The following DAB1 variants were observed in gnomAD, a reference collection of about 807,000 sequenced individuals.
DAB1 encodes the protein disabled homolog 1.
DAB1 carries 15 observed loss-of-function variants against 64.6 expected under a neutral mutation model. The ratio of observed to expected loss-of-function variants is 0.23; its 90% CI spans 0.16 to 0.36. The LOEUF (loss-of-function observed/expected upper bound fraction) is 0.36. Among genes scored for constraint, DAB1 ranks in the 10% least tolerant of loss-of-function variants. The pLI, the probability that DAB1 is intolerant of heterozygous loss-of-function variation, is 1.00. For missense variants in DAB1, 596 were observed against 706.7 expected, an observed-to-expected ratio of 0.84 and a Z score of 1.78; for synonymous variants, 235 against 251.9, an observed-to-expected ratio of 0.93 and a Z score of 0.64.
rs140354903 is a variant in DAB1, at chr1:57,111,026, T to C, written c.306+25517A>G. 2.0e-4 allele frequency among the ~76,000 whole-genome samples: 31 copies of C among 152,080 alleles called. No individual in the cohort carries two copies. The East Asian group carries it at 5.8e-3, about 29-fold the overall frequency. On this transcript the variant is annotated intron_variant, in intron 4 of 14. Transcript: ENST00000371236. ...AGTACAGAGAAGAATATGCTTAGAA[T>C]AACAAAAGAGTGCAGATAAAGGGAG...
intron 8 of DAB1, among the ~76,000 whole-genome samples, chr1:57,067,799 T>C (rs373737058): frequency 9.2e-5 from 14 of 152,222 alleles, no homozygotes; most frequent in African/African-American, 3.4e-4. Flanking sequence ...TGTACTAAAA[T>C]ACTGAATCCA....
intron 7 of DAB1, among the ~76,000 whole-genome samples, chr1:57,627,074 G>C (rs905992390): frequency 6.6e-6 from 1 of 152,216 alleles, no homozygotes; most frequent in South Asian, 2.1e-4. Flanking sequence ...CAGTGTGAGG[G>C]AGAGTCATCC....
intron 2 of DAB1, among the ~76,000 whole-genome samples, chr1:57,224,499 C>T (rs1667113395): frequency 6.6e-6 from 1 of 152,196 alleles, no homozygotes; most frequent in Non-Finnish European, 1.5e-5. Context: ...CAAGATGCTG[C>T]TCTCTAACCA....
chr1:57,461,740 C>A (rs977286456), intron 7 of DAB1, among the ~76,000 whole-genome samples: 1 of 152,104 alleles, frequency 6.6e-6, no homozygotes, highest in Non-Finnish European at 1.5e-5. Flanking sequence ...GTGCATACCT[C>A]TATCATTGCT....
intron 5 of DAB1, among the ~76,000 whole-genome samples, chr1:58,147,710 G>A (rs1310765230): frequency 6.6e-6 from 1 of 152,066 alleles, no homozygotes; most frequent in African/African-American, 2.4e-5. Flanking sequence ...TCCCTCTGCA[G>A]AGTACATACC....
At chr1:58,067,270 C>T (rs946154077) in intron 5 of DAB1, among the ~76,000 whole-genome samples, 1 of 152,194 alleles carries the variant, frequency 6.6e-6, no homozygotes, top group African/African-American at 2.4e-5. Flanking sequence ...GGGACTCCCA[C>T]GGCCTAGCCC....
intron 1 of DAB1, among the ~76,000 whole-genome samples, chr1:57,833,190 CT>C (rs1439307091): frequency 3.3e-5 from 5 of 151,894 alleles, no homozygotes; most frequent in Non-Finnish European, 5.9e-5. Context: ...GTGGTGAATC[CT>C]ACTATTTTTC....
At chr1:57,094,904 C>T (rs1654017698) in intron 4 of DAB1, among the ~76,000 whole-genome samples, 1 of 152,082 alleles carries the variant, frequency 6.6e-6, no homozygotes, top group East Asian at 1.9e-4. Flanking sequence ...TACCTCTGTA[C>T]CATAGAAAAG....
At chr1:57,291,573 C>T (rs1672778919) in intron 1 of DAB1, among the ~76,000 whole-genome samples, 1 of 152,116 alleles carries the variant, frequency 6.6e-6, no homozygotes, top group Non-Finnish European at 1.5e-5. Context: ...GCAGCAAAAG[C>T]AGATCATATG....
chr1:57,549,126 G>A (rs1644887015), intron 7 of DAB1, among the ~76,000 whole-genome samples: 1 of 152,092 alleles, frequency 6.6e-6, no homozygotes, highest in Non-Finnish European at 1.5e-5. Context: ...CAATTTTGTG[G>A]ATATTGTAGA....
At chr1:57,895,205 C>T (rs767450236) in intron 5 of DAB1, among the ~76,000 whole-genome samples, 2 of 152,086 alleles carry the variant, frequency 1.3e-5, no homozygotes, top group Admixed American at 6.6e-5. Flanking sequence ...ACTTATGTAG[C>T]GCGTGTGTGC....
intron 4 of DAB1, among the ~76,000 whole-genome samples, chr1:58,301,962 G>T (rs1662180488): frequency 6.6e-6 from 1 of 152,146 alleles, no homozygotes; most frequent in Admixed American, 6.5e-5. Flanking sequence ...TGCCTTCTAT[G>T]ATCTCACTTA....
intron 3 of DAB1, among the ~76,000 whole-genome samples, chr1:58,491,920 A>G (rs928120926): frequency 2.0e-5 from 3 of 152,218 alleles, no homozygotes; most frequent in Non-Finnish European, 2.9e-5. Flanking sequence ...TGGACCTAAT[A>G]GACATCTACA....
At chr1:57,257,984 TAAGGC>T (rs1669892022) in intron 2 of DAB1, among the ~76,000 whole-genome samples, 1 of 152,360 alleles carries the variant, frequency 6.6e-6, no homozygotes, top group East Asian at 1.9e-4. Flanking sequence ...ATATCCCATG[TAAGGC>T]AACATGCACA....
At chr1:57,393,254 C>T (rs1051920295) in intron 1 of DAB1, among the ~76,000 whole-genome samples, 2 of 152,076 alleles carry the variant, frequency 1.3e-5, no homozygotes, top group African/African-American at 4.8e-5. Context: ...AGAGTAATGC[C>T]AGATCACTGA....
intron 2 of DAB1, among the ~76,000 whole-genome samples, chr1:57,150,577 C>T (rs2100842015): frequency 6.6e-6 from 1 of 152,250 alleles, no homozygotes; most frequent in East Asian, 1.9e-4. Context: ...CCCCTTGGCA[C>T]TATATGACAC....
chr1:57,541,192 A>G (rs911683553), intron 7 of DAB1, among the ~76,000 whole-genome samples: 5 of 151,206 alleles, frequency 3.3e-5, no homozygotes, highest in Admixed American at 2.6e-4. Flanking sequence ...GCAGTGGCAC[A>G]ATCTCGGCTC....
chr1:58,124,295 C>T (rs966254500), intron 5 of DAB1, among the ~76,000 whole-genome samples: 3 of 151,838 alleles, frequency 2.0e-5, no homozygotes, highest in Non-Finnish European at 4.4e-5. Flanking sequence ...ATTTAAGCAC[C>T]AGCACTCTAA....
chr1:57,850,822 C>G (rs1465962675), intron 1 of DAB1, among the ~76,000 whole-genome samples: 1 of 152,160 alleles, frequency 6.6e-6, no homozygotes, highest in Non-Finnish European at 1.5e-5. Context: ...CTGTGCGTGA[C>G]TTGAAATTTA....
Sources: allele counts gnomAD v4.1 joint callset (sites outside exome capture counted in the v4.1 genomes callset), GRCh38; gene constraint gnomAD v4.1.1; transcripts MANE v1.5; gene names NCBI Gene and HGNC (gene_info 2026-07-23, HGNC 2026-07-21).